The following CREG2 variants were observed in gnomAD, a reference collection of about 807,000 sequenced individuals.
CREG2 encodes cellular repressor of E1A stimulated genes 2, also known as protein CREG2.
CREG2 carries 24 observed loss-of-function variants against 26.2 expected under a neutral mutation model. That is an observed-to-expected ratio of 0.92 (90% confidence interval 0.66 to 1.29). CREG2 has a LOEUF of 1.29. Among genes scored for constraint, CREG2 ranks in the 50% most tolerant of loss-of-function variants. The pLI is 0.00. For missense variants in CREG2, 366 were observed against 398.6 expected (o/e 0.92, Z 0.70); for synonymous variants, 174 against 169.2 (o/e 1.03, Z -0.22).
chr2:101,364,903 C>T (rs559962682), intron 2 of CREG2, among the ~76,000 whole-genome samples: 5 of 152,222 alleles, frequency 3.3e-5, no homozygotes, highest in South Asian at 4.1e-4. Flanking sequence ...GACATGCTGA[C>T]GGGTGGGAGG....
At chr2:101,385,905 G>C (rs773081348) in intron 1 of CREG2, among the ~76,000 whole-genome samples, 1 of 152,192 alleles carries the variant, frequency 6.6e-6, no homozygotes, top group Non-Finnish European at 1.5e-5. Flanking sequence ...ACATTGGCAC[G>C]AGACTATTTA....
At position 101,349,790 on chromosome 2, in the gene CREG2, CCTT is replaced by C. The variant is rs949654043; in HGVS notation, c.*1130_*1132del. 5.9e-5 allele frequency: 9 copies of C among 151,670 alleles called. No individual in the cohort carries two copies. The highest frequency in any genetic ancestry group is 1.0e-4 in the Non-Finnish European group (7 of 67,946). The allele number at this position is 151,670 out of a possible 1,614,324, so 9.4% of individuals were successfully genotyped here. A position where few individuals can be genotyped will look rare whatever the true frequency, so the allele number is the denominator to read the frequency against. The stretch of plus-strand genomic sequence containing the variant: ...AAACATCATCTCCAGGCAAGCTAGT[CCTT>C]CTTTTTTACAATCACTTTACTGATT... On this transcript the variant is annotated 3_prime_UTR_variant, in exon 4 of 4. Transcript: ENST00000324768.
rs1486040287 is a variant in CREG2 at position 101,349,948 on chromosome 2, A to G, written c.*975T>C. The G allele has an allele frequency of 6.6e-6, 1 of 152,200 alleles. No individual in the cohort carries two copies. The highest frequency in any genetic ancestry group is 6.5e-5 in the Admixed American group (1 of 15,282). 9.4% of individuals were successfully genotyped at this position (152,200 alleles called of 1,614,324 possible). On this transcript the variant is annotated 3_prime_UTR_variant, in exon 4 of 4. Coordinates refer to ENST00000324768, the MANE Select transcript of CREG2 (RefSeq NM_153836.4). ...ATGTGGACTCAGCCCCTCTGAGTCT[A>G]GTTTTCTTGTCTGTAAGAGCCAATG...
At position 101,346,935 on chromosome 2, in the gene CREG2, C is replaced by G. The variant is rs1014582046; in HGVS notation, c.*3988G>C. On this transcript the variant is annotated 3_prime_UTR_variant, in exon 4 of 4. Transcript: ENST00000324768. ...GTCAAGATACTGAATATGTCCATCA[C>G]CACAAGGATCTCTTGTGCTATCCTT... 1 of 152,216 alleles carries G rather than the reference C, an allele frequency of 6.6e-6. No homozygotes were observed. 9.4% of individuals were successfully genotyped at this position (152,216 alleles called of 1,614,324 possible).
At chr2:101,353,331 AAG>A (rs1234100514) in intron 3 of CREG2, among the ~76,000 whole-genome samples, 1 of 152,242 alleles carries the variant, frequency 6.6e-6, no homozygotes, top group Non-Finnish European at 1.5e-5. Flanking sequence ...GAAGCAAAAG[AAG>A]ACATTTATGC....
chr2:101,386,496 A>G (rs1045591532), intron 1 of CREG2, among the ~76,000 whole-genome samples: 3 of 152,256 alleles, frequency 2.0e-5, no homozygotes, highest in African/African-American at 7.2e-5. Flanking sequence ...TTGCATAATA[A>G]GCCTCCTTTC....
chr2:101,378,694 C>G (rs978335449), intron 2 of CREG2, among the ~76,000 whole-genome samples: 5 of 152,106 alleles, frequency 3.3e-5, no homozygotes, highest in African/African-American at 9.7e-5. Flanking sequence ...CACCCTGAAC[C>G]GGCCGGGTAT....
Position 101,387,004 on chromosome 2 carries a change from G to A in CREG2, c.441+13C>T. ...AATGCCAGGCCCCCTCGCGCTCCCC[G>A]CCGGGCGCTCACCTTCTTGTGGGTG... is the stretch of plus-strand genomic sequence containing the variant. On this transcript the variant is annotated intron_variant, in intron 1 of 3. Coordinates refer to ENST00000324768, the MANE Select transcript of CREG2 (RefSeq NM_153836.4). The surrounding 1 kb of genome is among the most constrained non-coding windows in gnomAD (Gnocchi z 4.7). 8.1e-7 allele frequency: 1 copy of A among 1,232,572 alleles called. No individual in the cohort carries two copies. Among genetic ancestry groups the A allele is most frequent in the Non-Finnish European group, 1.0e-6 (1 of 988,936 alleles). The allele number at this position is 1,232,572 out of a possible 1,614,324, so 76.4% of individuals were successfully genotyped here. A position where few individuals can be genotyped will look rare whatever the true frequency, so the allele number is the denominator to read the frequency against.
intron 2 of CREG2, among the ~76,000 whole-genome samples, chr2:101,377,932 A>G (rs1355452143): frequency 2.6e-5 from 4 of 152,234 alleles, no homozygotes; most frequent in Non-Finnish European, 5.9e-5. Flanking sequence ...TTTTAAAAAT[A>G]TTTAATTGTC....
intron 3 of CREG2, 43 bp downstream of exon 3, chr2:101,355,209 TA>T: frequency 1.6e-6 from 2 of 1,219,344 alleles, no homozygotes; most frequent in Non-Finnish European, 2.4e-6. Flanking sequence ...TGCTTATTAG[TA>T]TTGTGTATTT....
intron 3 of CREG2, among the ~76,000 whole-genome samples, chr2:101,352,435 ATG>A (rs898729957): frequency 7.9e-5 from 12 of 152,110 alleles, no homozygotes; most frequent in African/African-American, 2.9e-4. Flanking sequence ...ACCCTAATCC[ATG>A]GGGCACTGGC....
chr2:101,352,231 G>T (rs956721661), intron 3 of CREG2, among the ~76,000 whole-genome samples: 1 of 152,074 alleles, frequency 6.6e-6, no homozygotes. Flanking sequence ...TAAACATACA[G>T]GGAAATTGGA....
intron 2 of CREG2, among the ~76,000 whole-genome samples, chr2:101,363,281 G>A (rs1269338912): frequency 6.6e-6 from 1 of 152,108 alleles, no homozygotes. Context: ...GGATTACATG[G>A]ACCTGAGGAG....
intron 2 of CREG2, among the ~76,000 whole-genome samples, chr2:101,369,445 C>T (rs1279608184): frequency 6.6e-6 from 1 of 152,100 alleles, no homozygotes; most frequent in Non-Finnish European, 1.5e-5. Flanking sequence ...AGCAGGTGGA[C>T]TTGGGTCTAG....
intron 2 of CREG2, among the ~76,000 whole-genome samples, chr2:101,372,865 T>C (rs1048635808): frequency 3.9e-5 from 6 of 152,160 alleles, no homozygotes; most frequent in African/African-American, 1.4e-4. Flanking sequence ...GACATACAAA[T>C]GGCCAATAAG....
chr2:101,376,502 A>T (rs954752201), intron 2 of CREG2, among the ~76,000 whole-genome samples: 2 of 151,714 alleles, frequency 1.3e-5, no homozygotes, highest in African/African-American at 4.8e-5. Flanking sequence ...TGGGTCTTGA[A>T]CTCCTGACAT....
intron 2 of CREG2, among the ~76,000 whole-genome samples, chr2:101,380,636 G>A (rs1172970271): frequency 7.9e-5 from 12 of 152,194 alleles, no homozygotes; most frequent in African/African-American, 4.8e-5. Flanking sequence ...AAGACACCAC[G>A]TGGGATGGTT....
chr2:101,352,737 G>A (rs1684401074), intron 3 of CREG2, among the ~76,000 whole-genome samples: 1 of 152,194 alleles, frequency 6.6e-6, no homozygotes, highest in South Asian at 2.1e-4. Flanking sequence ...GAACCCAGGA[G>A]GCAGAGGTTG....
intron 2 of CREG2, among the ~76,000 whole-genome samples, chr2:101,367,924 G>A (rs1684643670): frequency 1.3e-5 from 2 of 152,220 alleles, no homozygotes. Context: ...CCAGAAGGAA[G>A]CAGCTCAGCC....
Sources: allele counts gnomAD v4.1 joint callset (sites outside exome capture counted in the v4.1 genomes callset), GRCh38; gene constraint gnomAD v4.1.1; non-coding constraint Gnocchi (gnomAD v3.1); transcripts MANE v1.5; gene names NCBI Gene and HGNC (gene_info 2026-07-23, HGNC 2026-07-21).